ST3GAL3: variants seen among roughly 807,000 people sequenced by gnomAD.
ST3GAL3 encodes ST3 beta-galactoside alpha-2,3-sialyltransferase 3.
ST3GAL3 carries 21 observed loss-of-function variants against 50.1 expected under a neutral mutation model. That is an observed-to-expected ratio of 0.42 (90% CI 0.30 to 0.60). ST3GAL3 has a LOEUF of 0.60. ST3GAL3 is among the 20% of genes least tolerant of loss of function. The probability of loss-of-function intolerance (pLI) is 0.19; values close to 1 mark genes in which losing one functional copy is unlikely to be tolerated. For synonymous variants in ST3GAL3, 183 were observed against 190.0 expected, an observed-to-expected ratio of 0.96 and a Z score of 0.30; for missense variants, 353 against 489.4, an observed-to-expected ratio of 0.72 and a Z score of 2.63.
intron 9 of ST3GAL3, among the ~76,000 whole-genome samples, chr1:43,903,973 G>A (rs1256562257): frequency 6.6e-6 from 1 of 152,118 alleles, no homozygotes; most frequent in Non-Finnish European, 1.5e-5. Context: ...ACTTAACTAT[G>A]TTCTCAGTCT....
chr1:43,884,192 A>G (rs2075607252), intron 5 of ST3GAL3, among the ~76,000 whole-genome samples: 1 of 152,174 alleles, frequency 6.6e-6, no homozygotes. Context: ...CCCATGTAAG[A>G]TACGGAAGCA....
At chr1:43,847,402 A>G (rs948629460) in intron 5 of ST3GAL3, among the ~76,000 whole-genome samples, 1 of 152,238 alleles carries the variant, frequency 6.6e-6, no homozygotes, top group Non-Finnish European at 1.5e-5. Flanking sequence ...TGACAGATGA[A>G]AGGATAAACA....
chr1:43,857,283 T>C (rs1380058067), intron 5 of ST3GAL3, among the ~76,000 whole-genome samples: 6 of 152,240 alleles, frequency 3.9e-5, no homozygotes, highest in Admixed American at 1.3e-4. Flanking sequence ...ATTTTTGAGA[T>C]ACTGGAAATA....
intron 11 of ST3GAL3, 113 bp from the exon 12 acceptor site, chr1:43,930,019 G>T (rs778644831): frequency 1.7e-5 from 15 of 884,380 alleles, no homozygotes; most frequent in Non-Finnish European, 2.5e-5. Context: ...CTGCCTTCAG[G>T]TTTCCACAGT....
intron 5 of ST3GAL3, among the ~76,000 whole-genome samples, chr1:43,878,282 T>A (rs890196188): frequency 6.6e-6 from 1 of 152,206 alleles, no homozygotes; most frequent in African/African-American, 2.4e-5. Context: ...GATTATATCC[T>A]CATCTCAAAA....
At chr1:43,731,365 C>T (rs1675699114) in intron 1 of ST3GAL3, among the ~76,000 whole-genome samples, 1 of 149,942 alleles carries the variant, frequency 6.7e-6, no homozygotes, top group Non-Finnish European at 1.5e-5. Flanking sequence ...GTGCGTGCCA[C>T]CGCACCCAGC....
intron 2 of ST3GAL3, among the ~76,000 whole-genome samples, chr1:43,777,713 G>T (rs1430298756): frequency 2.6e-5 from 4 of 152,204 alleles, no homozygotes; most frequent in African/African-American, 9.7e-5. Flanking sequence ...ATTTCGGGAT[G>T]AAAATGCCAA....
chr1:43,894,227 G>T (rs75485346), intron 5 of ST3GAL3, 156 bp from the exon 6 acceptor site: 2 of 747,156 alleles, frequency 2.7e-6, no homozygotes, highest in Admixed American at 2.0e-5. Context: ...CAAACCCCTC[G>T]ACAGCTACCC....
At position 43,898,271 on chromosome 1, in the gene ST3GAL3, A is replaced by AG; in HGVS notation, c.435dup (p.Tyr146ValfsTer34). Reference sequence around the variant, plus strand: ...AAAGCCATCTTGTCAGTCACCAAAGAGTACCGCCTGACCCCTGCCTTGGAC... The same window carrying AG: ...AAAGCCATCTTGTCAGTCACCAAAGAGGTACCGCCTGACCCCTGCCTTGGAC... On this transcript the variant is annotated frameshift_variant, in exon 7 of 12. Coordinates refer to ENST00000347631, the MANE Select transcript of ST3GAL3 (RefSeq NM_006279.5). LOFTEE classifies it high-confidence loss of function. 1 of 1,613,888 alleles carries AG rather than the reference A, an allele frequency of 6.2e-7. No homozygotes were observed. Among genetic ancestry groups the AG allele is most frequent in the Non-Finnish European group, 8.5e-7 (1 of 1,180,038 alleles).
In ST3GAL3 at chr1:43,898,228, T is replaced by C. The variant is rs114112844; in HGVS notation, c.398-7T>C. On this transcript the variant is annotated splice_region_variant and splice_polypyrimidine_tract_variant and intron_variant, in intron 6 of 11. Coordinates refer to ENST00000347631, the MANE Select transcript of ST3GAL3 (RefSeq NM_006279.5). ...CTGTAACAGAAACCTCTCTCCTCTG[T>C]CTGCAGACAATCTGATCAAAGCCAT... 2,921 of 1,613,904 alleles carry C rather than the reference T, an allele frequency of 1.8e-3. 46 individuals carry two copies. The African/African-American group carries it at 0.035, about 19-fold the overall frequency.
intron 2 of ST3GAL3, among the ~76,000 whole-genome samples, chr1:43,784,818 A>G (rs1039299214): frequency 1.3e-5 from 2 of 152,186 alleles, no homozygotes; most frequent in Non-Finnish European, 2.9e-5. Context: ...GAAGTTACAG[A>G]TGCTCCCCAG....
Position 43,736,244 on chromosome 1 carries a change from A to G in ST3GAL3, c.-19A>G, listed in dbSNP as rs1161204841. 1.2e-6 allele frequency: 2 copies of G among 1,614,172 alleles called. No individual in the cohort carries two copies. Among genetic ancestry groups the G allele is most frequent in the Admixed American group, 1.7e-5 (1 of 60,030 alleles). On this transcript the variant is annotated 5_prime_UTR_variant, in exon 2 of 12. Coordinates refer to ENST00000347631, the MANE Select transcript of ST3GAL3 (RefSeq NM_006279.5). ...TTTTTCTTTTCTAGGTCATTTAGGA[A>G]ATCGTAAATCATGTGAAGATGGGAC...
intron 3 of ST3GAL3, among the ~76,000 whole-genome samples, chr1:43,801,959 C>T (rs1258208087): frequency 2.6e-5 from 4 of 151,502 alleles, no homozygotes; most frequent in Non-Finnish European, 4.4e-5. Context: ...GAGTTTGCAC[C>T]ACTGCACTCC....
chr1:43,809,688 C>T (rs1197979027), intron 3 of ST3GAL3, among the ~76,000 whole-genome samples: 1 of 143,510 alleles, frequency 7.0e-6, no homozygotes, highest in Non-Finnish European at 1.6e-5. Flanking sequence ...TGGGTTGAGA[C>T]CCTGTCTCTT....
rs761308496 is a variant in ST3GAL3, at chr1:43,920,493, G to C, written c.834G>C (p.Gln278His). ...EIRILNPYFI[Q>H]EAAFTLIGLP... ...GAATCCTCAACCCATATTTCATCCA[G>C]GAGGCCGCCTTCACCCTCATTGGCC... Residue 278 changes from glutamine (Q) to histidine (H), a missense_variant, in exon 10 of 12, where the codon CAG becomes CAC. Physicochemically the swap from Gln to His is conservative, Grantham distance 24 (BLOSUM62 0). Transcript: ENST00000347631. 29 of 1,614,058 alleles carry C rather than the reference G, an allele frequency of 1.8e-5. No homozygotes were observed. The highest frequency in any genetic ancestry group is 2.3e-5 in the Non-Finnish European group (27 of 1,180,044).
intron 4 of ST3GAL3, chr1:43,819,011 GAAAGCATCCATAT>G (rs1398157150): frequency 1.3e-5 from 2 of 152,212 alleles, no homozygotes; most frequent in East Asian, 3.8e-4. Context: ...GTTTTAACAT[GAAAGCATCCATAT>G]ATAGTACATA....
intron 2 of ST3GAL3, among the ~76,000 whole-genome samples, chr1:43,765,729 G>A (rs1008842986): frequency 2.1e-5 from 3 of 140,718 alleles, no homozygotes; most frequent in Admixed American, 2.1e-4. Flanking sequence ...ACAATTTCAT[G>A]TGCATGTGTG....
chr1:43,778,276 C>T (rs189145394), intron 2 of ST3GAL3, among the ~76,000 whole-genome samples: 5 of 152,110 alleles, frequency 3.3e-5, no homozygotes, highest in East Asian at 3.9e-4. Context: ...GGGCCTGGTG[C>T]GGGGAAGGAG....
At chr1:43,827,859 G>A (rs940932057) in intron 4 of ST3GAL3, among the ~76,000 whole-genome samples, 1 of 152,034 alleles carries the variant, frequency 6.6e-6, no homozygotes, top group African/African-American at 2.4e-5. Context: ...TAAATTCAAT[G>A]TAATCAGAAT....
Sources: gnomAD v4.1 joint callset for allele counts (sites outside exome capture counted in the v4.1 genomes callset) on GRCh38, gnomAD v4.1.1 for gene constraint, MANE v1.5 for transcripts, NCBI Gene and HGNC (gene_info 2026-07-23, HGNC 2026-07-21) for gene names.